The following FAT3 variants were observed in gnomAD, a reference collection of about 807,000 sequenced individuals.
The protein encoded by FAT3 is protocadherin Fat 3.
Under a neutral mutation model 310.2 loss-of-function variants are expected in FAT3, and 95 were observed. The ratio of observed to expected loss-of-function variants is 0.31; its 90% CI spans 0.26 to 0.36. The LOEUF is 0.36. Ranked by LOEUF, FAT3 falls within the 10% of genes least tolerant of loss-of-function variation. The pLI, the probability that FAT3 is intolerant of heterozygous loss-of-function variation, is 1.00. For synonymous variants in FAT3, 2,314 were observed against 2,192.9 expected, an observed-to-expected ratio of 1.06 and a Z score of -1.54; for missense variants, 5,408 against 5,715.6, an observed-to-expected ratio of 0.95 and a Z score of 1.74.
At chr11:92,391,695 A>T (rs1949752963) in intron 2 of FAT3, among the ~76,000 whole-genome samples, 2 of 152,346 alleles carry the variant, frequency 1.3e-5, no homozygotes, top group South Asian at 2.1e-4. Context: ...AATGTGGAGT[A>T]TGCAAATGTT....
chr11:92,271,941 G>T (rs904500213), intron 1 of FAT3, among the ~76,000 whole-genome samples: 6 of 152,034 alleles, frequency 3.9e-5, no homozygotes, highest in Non-Finnish European at 7.4e-5. Flanking sequence ...AGTCTATACT[G>T]ATTCCCTTCA....
intron 2 of FAT3, among the ~76,000 whole-genome samples, chr11:92,464,479 A>T (rs1026319697): frequency 6.6e-6 from 1 of 152,182 alleles, no homozygotes; most frequent in Non-Finnish European, 1.5e-5. Context: ...CCAGACCCAC[A>T]TTCTGCTCCC....
At chr11:92,239,087 T>C (rs971961639) in intron 1 of FAT3, among the ~76,000 whole-genome samples, 3 of 152,122 alleles carry the variant, frequency 2.0e-5, no homozygotes, top group African/African-American at 7.2e-5. Flanking sequence ...AAGAAATTGG[T>C]ATTTCTCTAC....
At chr11:92,667,453 T>C (rs2135812987) in intron 3 of FAT3, among the ~76,000 whole-genome samples, 1 of 152,210 alleles carries the variant, frequency 6.6e-6, no homozygotes, top group Non-Finnish European at 1.5e-5. Flanking sequence ...CACACCATCA[T>C]CACCCCTCCC....
chr11:92,607,296 T>C (rs1424624591), intron 3 of FAT3, among the ~76,000 whole-genome samples: 1 of 149,656 alleles, frequency 6.7e-6, no homozygotes, highest in Non-Finnish European at 1.5e-5. Flanking sequence ...GCCTGGCTGC[T>C]GAAAGAGGAG....
chr11:92,240,236 T>A (rs531566851), intron 1 of FAT3, among the ~76,000 whole-genome samples: 2 of 152,202 alleles, frequency 1.3e-5, no homozygotes, highest in East Asian at 3.9e-4. Context: ...GAGTTTGAAT[T>A]TGATGTATAA....
chr11:92,828,534 A>G (rs1948157034), intron 13 of FAT3, among the ~76,000 whole-genome samples: 1 of 152,062 alleles, frequency 6.6e-6, no homozygotes, highest in South Asian at 2.1e-4. Context: ...GAGGAACAAT[A>G]TATCTTCCAG....
At chr11:92,797,793 G>T in intron 9 of FAT3, 43 bp from the exon 10 acceptor site, 1 of 1,537,630 alleles carries the variant, frequency 6.5e-7, no homozygotes, top group South Asian at 1.2e-5. Context: ...AGATTTCAGT[G>T]ACCCACATGT....
intron 2 of FAT3, among the ~76,000 whole-genome samples, chr11:92,425,283 T>A (rs550960300): frequency 6.6e-6 from 1 of 152,178 alleles, no homozygotes; most frequent in South Asian, 2.1e-4. Flanking sequence ...ATGCTTTGGG[T>A]CCTGAGATTG....
chr11:92,663,653 C>A (rs1274609999), intron 3 of FAT3, among the ~76,000 whole-genome samples: 1 of 152,146 alleles, frequency 6.6e-6, no homozygotes, highest in Non-Finnish European at 1.5e-5. Context: ...AAAAAGTTAT[C>A]GCCCTTAAAT....
At chr11:92,613,504 C>T (rs933236876) in intron 3 of FAT3, among the ~76,000 whole-genome samples, 14 of 152,126 alleles carry the variant, frequency 9.2e-5, no homozygotes, top group Admixed American at 3.3e-4. Flanking sequence ...TTGTTTTAAT[C>T]GCTGTTTTTA....
At chr11:92,709,649 C>T (rs1024778727) in intron 4 of FAT3, among the ~76,000 whole-genome samples, 1 of 152,178 alleles carries the variant, frequency 6.6e-6, no homozygotes, top group Non-Finnish European at 1.5e-5. Context: ...TAATCCACAA[C>T]CCAGGTAATC....
At chr11:92,535,165 G>T (rs574256191) in intron 3 of FAT3, among the ~76,000 whole-genome samples, 1 of 152,096 alleles carries the variant, frequency 6.6e-6, no homozygotes, top group Non-Finnish European at 1.5e-5. Context: ...GTATGCCAAG[G>T]TGCTGTACTT....
intron 22 of FAT3, among the ~76,000 whole-genome samples, chr11:92,876,423 T>C (rs1045253980): frequency 4.6e-5 from 7 of 152,212 alleles, no homozygotes; most frequent in African/African-American, 1.7e-4. Context: ...TCAACATAAC[T>C]TCAAGCAAGC....
chr11:92,308,990 C>A (rs1408127155), intron 1 of FAT3, among the ~76,000 whole-genome samples: 1 of 152,028 alleles, frequency 6.6e-6, no homozygotes, highest in Non-Finnish European at 1.5e-5. Flanking sequence ...ATTCTACGCC[C>A]CCGGGACCAA....
At chr11:92,305,300 T>C (rs1374531832) in intron 1 of FAT3, among the ~76,000 whole-genome samples, 1 of 152,162 alleles carries the variant, frequency 6.6e-6, no homozygotes, top group East Asian at 1.9e-4. Flanking sequence ...TAAAAGTCCC[T>C]ATTCTAGAAG....
At chr11:92,820,733 C>T (rs1936630938) in intron 13 of FAT3, among the ~76,000 whole-genome samples, 1 of 152,114 alleles carries the variant, frequency 6.6e-6, no homozygotes, top group Non-Finnish European at 1.5e-5. Flanking sequence ...CTAAAAAATG[C>T]CTGGATTCCT....
At chr11:92,291,562 T>C (rs537239503) in intron 1 of FAT3, among the ~76,000 whole-genome samples, 2 of 150,598 alleles carry the variant, frequency 1.3e-5, no homozygotes, top group Admixed American at 6.6e-5. Flanking sequence ...TACAGATATA[T>C]AGTGTGTGCC....
At chr11:92,618,321 C>T (rs534436382) in intron 3 of FAT3, among the ~76,000 whole-genome samples, 1 of 152,160 alleles carries the variant, frequency 6.6e-6, no homozygotes, top group Non-Finnish European at 1.5e-5. Context: ...TTGCTAAGAC[C>T]GTTGGAAAAG....
Sources: gnomAD v4.1 joint callset for allele counts (sites outside exome capture counted in the v4.1 genomes callset) on GRCh38, gnomAD v4.1.1 for gene constraint, MANE v1.5 for transcripts, NCBI Gene and HGNC (gene_info 2026-07-23, HGNC 2026-07-21) for gene names.